Variants in NTM observed in about 807,000 individuals in gnomAD.
NTM encodes neurotrimin.
In NTM, 13 loss-of-function variants were observed where a neutral mutation model predicts 42.1. The observed-to-expected ratio is 0.31, with a 90% CI of 0.20 to 0.49. NTM has a LOEUF of 0.49. Among genes scored for constraint, NTM ranks in the 20% least tolerant of loss-of-function variants. The pLI, the probability that NTM is intolerant of heterozygous loss-of-function variation, is 0.99. For missense variants in NTM, 373 were observed against 452.8 expected (o/e 0.82, Z 1.60); for synonymous variants, 187 against 179.2 (o/e 1.04, Z -0.35).
intron 1 of NTM, among the ~76,000 whole-genome samples, chr11:131,658,890 G>A (rs907467705): frequency 6.6e-6 from 1 of 152,140 alleles, no homozygotes; most frequent in South Asian, 2.1e-4. Flanking sequence ...AGAATCGCTT[G>A]AACCAGGGCA....
At chr11:132,011,582 C>T (rs2072206469) in intron 2 of NTM, among the ~76,000 whole-genome samples, 1 of 152,082 alleles carries the variant, frequency 6.6e-6, no homozygotes, top group Admixed American at 6.5e-5. Context: ...TACTGTGTAC[C>T]TGACCTTTAC....
intron 7 of NTM, among the ~76,000 whole-genome samples, chr11:132,318,401 T>C (rs1310310288): frequency 6.6e-6 from 1 of 152,172 alleles, no homozygotes; most frequent in Non-Finnish European, 1.5e-5. Context: ...TCTCCAGGCA[T>C]AAACTGAAAG....
At chr11:131,968,037 A>T (rs901652667) in intron 2 of NTM, among the ~76,000 whole-genome samples, 7 of 152,154 alleles carry the variant, frequency 4.6e-5, no homozygotes, top group African/African-American at 1.7e-4. Flanking sequence ...AACATAAATA[A>T]ATGCGAAACC....
At chr11:131,423,346 A>G (rs1242377175) in intron 1 of NTM, among the ~76,000 whole-genome samples, 1 of 152,168 alleles carries the variant, frequency 6.6e-6, no homozygotes, top group Non-Finnish European at 1.5e-5. Context: ...CTGTTTCTCC[A>G]TATTCCATGC....
At chr11:131,687,176 T>C (rs1473858943) in intron 1 of NTM, among the ~76,000 whole-genome samples, 1 of 152,150 alleles carries the variant, frequency 6.6e-6, no homozygotes, top group Non-Finnish European at 1.5e-5. Context: ...AAGTAGCAAA[T>C]GATTTCACTA....
intron 1 of NTM, among the ~76,000 whole-genome samples, chr11:131,828,884 G>A (rs1400078969): frequency 6.6e-6 from 1 of 152,034 alleles, no homozygotes. Flanking sequence ...ATTAAAGCTA[G>A]TAAAAATGTT....
At chr11:132,067,905 C>T (rs1437643583) in intron 2 of NTM, among the ~76,000 whole-genome samples, 1 of 152,198 alleles carries the variant, frequency 6.6e-6, no homozygotes, top group African/African-American at 2.4e-5. Flanking sequence ...TAGTCATGTC[C>T]TTGATCCTTT....
chr11:132,111,346 TTCTC>T (rs766085487), intron 2 of NTM, among the ~76,000 whole-genome samples: 5 of 152,138 alleles, frequency 3.3e-5, no homozygotes, highest in Admixed American at 1.3e-4. Context: ...TTAATCTCCT[TTCTC>T]TCTATGTTTA....
intron 1 of NTM, among the ~76,000 whole-genome samples, chr11:131,646,109 G>C (rs1191939006): frequency 1.3e-5 from 2 of 152,214 alleles, no homozygotes; most frequent in African/African-American, 2.4e-5. Flanking sequence ...GGGCAAATAC[G>C]CAATTGATCA....
chr11:131,615,659 C>T (rs959827573), intron 1 of NTM, among the ~76,000 whole-genome samples: 7 of 152,146 alleles, frequency 4.6e-5, no homozygotes, highest in African/African-American at 1.2e-4. Context: ...CGTGAGCCAC[C>T]GCACCCGGCC....
chr11:132,241,692 C>T (rs1203879877), intron 4 of NTM, among the ~76,000 whole-genome samples: 2 of 152,184 alleles, frequency 1.3e-5, no homozygotes, highest in Non-Finnish European at 2.9e-5. Context: ...CTAAAAATAT[C>T]TGTGATATAG....
intron 1 of NTM, among the ~76,000 whole-genome samples, chr11:131,616,665 G>A (rs1478204667): frequency 2.0e-5 from 3 of 152,060 alleles, no homozygotes; most frequent in East Asian, 1.9e-4. Context: ...TCCCCACCCG[G>A]CTCCTCTGGT....
chr11:132,007,388 A>G (rs2071041700), intron 2 of NTM, among the ~76,000 whole-genome samples: 1 of 152,184 alleles, frequency 6.6e-6, no homozygotes, highest in Non-Finnish European at 1.5e-5. Context: ...GCTGCACAGC[A>G]GGACACTAGG....
intron 4 of NTM, among the ~76,000 whole-genome samples, chr11:132,269,491 A>G (rs1177632875): frequency 6.6e-6 from 1 of 152,164 alleles, no homozygotes; most frequent in Non-Finnish European, 1.5e-5. Context: ...CATCAATAAC[A>G]ATCCCATCTA....
chr11:131,880,017 T>A (rs759300889), intron 1 of NTM, among the ~76,000 whole-genome samples: 1 of 152,234 alleles, frequency 6.6e-6, no homozygotes, highest in Admixed American at 6.5e-5. Flanking sequence ...AGAGCCATAG[T>A]GGACAGGAGA....
intron 2 of NTM, among the ~76,000 whole-genome samples, chr11:132,143,593 T>C (rs1163583155): frequency 6.6e-6 from 1 of 152,168 alleles, no homozygotes; most frequent in Non-Finnish European, 1.5e-5. Context: ...TGTGAGATGA[T>C]AAAATAGTAC....
intron 2 of NTM, among the ~76,000 whole-genome samples, chr11:132,020,252 G>A (rs1356972747): frequency 3.3e-5 from 5 of 151,950 alleles, no homozygotes; most frequent in South Asian, 2.1e-4. Context: ...GGGCACCTGG[G>A]CTGATTCTGT....
At chr11:131,941,849 T>A (rs908396978) in intron 2 of NTM, among the ~76,000 whole-genome samples, 1 of 152,208 alleles carries the variant, frequency 6.6e-6, no homozygotes, top group Non-Finnish European at 1.5e-5. Context: ...CATTGCCCTT[T>A]AGTCTAGGTG....
intron 1 of NTM, among the ~76,000 whole-genome samples, chr11:131,465,493 G>A (rs1435197015): frequency 6.6e-6 from 1 of 152,092 alleles, no homozygotes; most frequent in Non-Finnish European, 1.5e-5. Context: ...GACTGCCCAG[G>A]TTGCCAGCTT....
Sources: allele counts gnomAD v4.1 joint callset (sites outside exome capture counted in the v4.1 genomes callset), GRCh38; gene constraint gnomAD v4.1.1; transcripts MANE v1.5; gene names NCBI Gene and HGNC (gene_info 2026-07-23, HGNC 2026-07-21).